Variants in LRFN5 observed in about 807,000 individuals in gnomAD.
LRFN5 encodes the protein leucine-rich repeat and fibronectin type-III domain-containing protein 5.
In LRFN5, 24 loss-of-function variants were observed where a neutral mutation model predicts 45.6. The ratio of observed to expected loss-of-function variants is 0.53; its 90% CI spans 0.38 to 0.74. The LOEUF is 0.74. Among genes scored for constraint, LRFN5 ranks in the 30% least tolerant of loss-of-function variants. The pLI, the probability that LRFN5 is intolerant of heterozygous loss-of-function variation, is 0.00. For synonymous variants in LRFN5, 340 were observed against 313.8 expected, an observed-to-expected ratio of 1.08 and a Z score of -0.88; for missense variants, 776 against 861.5, an observed-to-expected ratio of 0.90 and a Z score of 1.24.
chr14:41,898,562 A>G (rs527417949), intron 4 of LRFN5, among the ~76,000 whole-genome samples: 73 of 152,170 alleles, frequency 4.8e-4, no homozygotes, highest in African/African-American at 1.7e-3. Flanking sequence ...ATGAATCTAT[A>G]TAGATGAAAT....
chr14:41,878,368 A>G (rs568724940), intron 2 of LRFN5, among the ~76,000 whole-genome samples: 2 of 152,152 alleles, frequency 1.3e-5, no homozygotes, highest in Non-Finnish European at 2.9e-5. Flanking sequence ...TTAACTCAAC[A>G]TATAAATTGC....
intron 2 of LRFN5, among the ~76,000 whole-genome samples, chr14:41,848,067 A>G (rs1290819604): frequency 6.6e-6 from 1 of 152,132 alleles, no homozygotes; most frequent in Non-Finnish European, 1.5e-5. Context: ...TTTTATATAA[A>G]TGACTGTGGC....
intron 2 of LRFN5, among the ~76,000 whole-genome samples, chr14:41,865,718 TCACCAA>T (rs1469481372): frequency 6.6e-6 from 1 of 152,234 alleles, no homozygotes; most frequent in African/African-American, 2.4e-5. Context: ...CATTACATGT[TCACCAA>T]CACTTGCTTT....
chr14:41,837,707 T>C (rs1332049194), intron 2 of LRFN5, among the ~76,000 whole-genome samples: 1 of 152,188 alleles, frequency 6.6e-6, no homozygotes, highest in Non-Finnish European at 1.5e-5. Flanking sequence ...AAAATGTATT[T>C]CCTGCATGTG....
chr14:41,736,055 G>A (rs1166028658), intron 1 of LRFN5, among the ~76,000 whole-genome samples: 4 of 152,236 alleles, frequency 2.6e-5, no homozygotes, highest in African/African-American at 9.6e-5. Context: ...GAATAGTGCT[G>A]CAATAAACAT....
chr14:41,696,513 T>C (rs535802107), intron 1 of LRFN5, among the ~76,000 whole-genome samples: 8 of 103,452 alleles, frequency 7.7e-5, no homozygotes, highest in Non-Finnish European at 1.1e-4. Flanking sequence ...CACTTTACCC[T>C]TCAGCAGCTA....
intron 1 of LRFN5, among the ~76,000 whole-genome samples, chr14:41,630,132 C>T (rs540516877): frequency 6.6e-6 from 1 of 152,168 alleles, no homozygotes; most frequent in Admixed American, 6.5e-5. Flanking sequence ...ACAGTTTTCT[C>T]AGAGGTTTTC....
intron 1 of LRFN5, among the ~76,000 whole-genome samples, chr14:41,758,082 G>A (rs1255990248): frequency 6.6e-6 from 1 of 152,046 alleles, no homozygotes; most frequent in African/African-American, 2.4e-5. Context: ...GCCTTTGAAG[G>A]TGTCTTCTCT....
chr14:41,899,498 T>G (rs529614864), intron 5 of LRFN5, among the ~76,000 whole-genome samples: 57 of 152,262 alleles, frequency 3.7e-4, no homozygotes, highest in Admixed American at 6.5e-4. Context: ...CAATTATTCT[T>G]CTTGAGTGGT....
At chr14:41,810,659 G>A (rs1260063223) in intron 2 of LRFN5, among the ~76,000 whole-genome samples, 2 of 151,924 alleles carry the variant, frequency 1.3e-5, no homozygotes, top group African/African-American at 2.4e-5. Context: ...TATTTTAAAG[G>A]TTGTATTTTA....
chr14:41,699,038 T>C (rs1475255669), intron 1 of LRFN5, among the ~76,000 whole-genome samples: 1 of 152,008 alleles, frequency 6.6e-6, no homozygotes. Flanking sequence ...TAAGTTGAGA[T>C]GAGTTTGAGA....
At chr14:41,651,964 A>C (rs1173882325) in intron 1 of LRFN5, among the ~76,000 whole-genome samples, 1 of 152,052 alleles carries the variant, frequency 6.6e-6, no homozygotes, top group Non-Finnish European at 1.5e-5. Context: ...TCTTGTATCA[A>C]TACCAGTCAG....
rs1473516672 is a variant in LRFN5 at position 41,891,519 on chromosome 14, A to G, written c.1655A>G (p.Tyr552Cys). The change falls in exon 4 of 6, where the codon TAT becomes TGT. Residue 552 changes from tyrosine to cysteine, a missense_variant. Transcript: ENST00000298119. ...LVFIIILMIRYKVCNNNGQHK... is the reference protein window; with the variant it reads ...LVFIIILMIRCKVCNNNGQHK... Reference sequence around the variant, plus strand: ...TTCATCATTATTCTGATGATCCGGTATAAGGTTTGCAACAATAATGGGCAA... The same window carrying G: ...TTCATCATTATTCTGATGATCCGGTGTAAGGTTTGCAACAATAATGGGCAA... 6.2e-7 allele frequency: 1 copy of G among 1,614,176 alleles called. No homozygotes were observed. Among genetic ancestry groups the G allele is most frequent in the African/African-American group, 1.3e-5 (1 of 75,044 alleles).
In LRFN5 at chr14:41,610,668, A is replaced by T. The variant is rs199584958; in HGVS notation, c.-197+2106A>T. 9.7e-5 allele frequency among the ~76,000 whole-genome samples: 13 copies of T among 134,506 alleles called. 1 individual carries two copies. Among genetic ancestry groups the T allele is most frequent in the Admixed American group, 3.9e-4 (5 of 12,840 alleles). 88.2% of individuals were successfully genotyped at this position (134,506 alleles called of 152,430 possible). On this transcript the variant is annotated intron_variant, in intron 1 of 5. Coordinates refer to ENST00000298119, the MANE Select transcript of LRFN5 (RefSeq NM_152447.5). The stretch of plus-strand genomic sequence containing the variant: ...CTGAGGTCCCAGGGAAGGTAAAAAA[A>T]AAAAAAAAAAAAAAAGTGTATTGCC...
chr14:41,795,568 C>T (rs1887091867), intron 2 of LRFN5, among the ~76,000 whole-genome samples: 1 of 152,078 alleles, frequency 6.6e-6, no homozygotes, highest in South Asian at 2.1e-4. Context: ...AAATGTGGCA[C>T]ATATACACCA....
intron 1 of LRFN5, among the ~76,000 whole-genome samples, chr14:41,625,632 T>C (rs141906426): frequency 1.1e-4 from 16 of 152,290 alleles, no homozygotes; most frequent in African/African-American, 3.6e-4. Context: ...TTCAAGAAAG[T>C]TTATTGCTGT....
rs1352410315 is a variant in LRFN5, at chr14:41,891,843, T to A, written c.1979T>A (p.Val660Asp). The A allele has an allele frequency of 1.2e-6, 2 of 1,614,116 alleles. No homozygotes were observed. Among genetic ancestry groups the A allele is most frequent in the South Asian group, 2.2e-5 (2 of 91,082 alleles). The change falls in exon 4 of 6, where the codon GTC (valine) becomes GAC (aspartate). Residue 660 changes from valine to aspartate, a missense_variant. Around this residue, in one of 2 missense-constraint regions of LRFN5, gnomAD observed 465 missense variants for 456.4 expected, o/e 1.02. Transcript: ENST00000298119. ...KPSTEPQNEA[V>D]TNVESQNTNR... ...AGTACAGAACCACAGAATGAAGCCG[T>A]CACAAATGTTGAATCCCAAAACACT...
At chr14:41,720,352 G>A (rs2138768052) in intron 1 of LRFN5, among the ~76,000 whole-genome samples, 1 of 152,170 alleles carries the variant, frequency 6.6e-6, no homozygotes, top group Non-Finnish European at 1.5e-5. Context: ...GAGCACCTAG[G>A]TTGATTCCAT....
chr14:41,638,514 A>G (rs937062454), intron 1 of LRFN5, among the ~76,000 whole-genome samples: 1 of 152,140 alleles, frequency 6.6e-6, no homozygotes, highest in Non-Finnish European at 1.5e-5. Context: ...CATGTAGTAT[A>G]AAATTCTAAT....
Sources: allele counts gnomAD v4.1 joint callset (sites outside exome capture counted in the v4.1 genomes callset), GRCh38; gene constraint gnomAD v4.1.1; regional missense constraint gnomAD v4.1.1; transcripts MANE v1.5; gene names NCBI Gene and HGNC (gene_info 2026-07-23, HGNC 2026-07-21).